Variants in SOAT1 observed in about 807,000 individuals in gnomAD.
The protein encoded by SOAT1 is sterol O-acyltransferase 1, also known as acyl-coenzyme A:cholesterol acyltransferase 1.
Under a neutral mutation model 69.5 loss-of-function variants are expected in SOAT1, and 55 were observed. That is an observed-to-expected ratio of 0.79 (90% CI 0.64 to 0.99). The LOEUF (loss-of-function observed/expected upper bound fraction) is 0.99, where lower values mean the gene tolerates loss of function less well. SOAT1 is among the 50% of genes least tolerant of loss of function. The pLI is 0.00. For missense variants in SOAT1, 580 were observed against 669.3 expected, an observed-to-expected ratio of 0.87 and a Z score of 1.47; for synonymous variants, 231 against 224.7, an observed-to-expected ratio of 1.03 and a Z score of -0.25.
At chr1:179,304,772 C>T (rs1274724600) in intron 2 of SOAT1, among the ~76,000 whole-genome samples, 1 of 152,106 alleles carries the variant, frequency 6.6e-6, no homozygotes, top group East Asian at 1.9e-4. Context: ...CCTCACCCTC[C>T]CGAGTAGCTG....
Position 179,353,646 on chromosome 1 carries a change from T to C in SOAT1, c.*5T>C. On this transcript the variant is annotated 3_prime_UTR_variant, in exon 16 of 16. Coordinates refer to ENST00000367619, the MANE Select transcript of SOAT1 (RefSeq NM_003101.6). ...ACTTGTCGTTACGTGTTTTAGAAGC[T>C]TGGACTTTGTTTCCTCCTTGTCACT... The C allele has an allele frequency of 6.2e-7, 1 of 1,612,208 alleles. No individual in the cohort carries two copies. Among genetic ancestry groups the C allele is most frequent in the Non-Finnish European group, 8.5e-7 (1 of 1,178,404 alleles).
chr1:179,341,943 G>C (rs1034602502), intron 7 of SOAT1, 171 bp from the exon 8 acceptor site: 2 of 450,420 alleles, frequency 4.4e-6, no homozygotes, highest in Non-Finnish European at 5.9e-6. Context: ...TGAAATGTCA[G>C]ATTCATTGTT....
intron 3 of SOAT1, among the ~76,000 whole-genome samples, chr1:179,325,199 G>C (rs1665742334): frequency 1.4e-5 from 2 of 145,314 alleles, no homozygotes; most frequent in Non-Finnish European, 3.0e-5. Context: ...GCCCAGGCTG[G>C]AGTGCAGTGG....
chr1:179,351,231 A>G lies in SOAT1; in HGVS notation c.1451-86A>G, dbSNP rs555236880. 4.7e-4 allele frequency: 531 copies of G among 1,136,666 alleles called. 3 individuals are homozygous for G. The highest frequency in any genetic ancestry group is 1.9e-3 in the Admixed American group (99 of 51,398). 70.4% of individuals were successfully genotyped at this position (1,136,666 alleles called of 1,614,324 possible). On this transcript the variant is annotated intron_variant, in intron 14 of 15. Transcript: ENST00000367619. The stretch of plus-strand genomic sequence containing the variant: ...GCTAATTTTTGTATTTTTAATAGAG[A>G]TGGGGTTTCACCATGTTGGCCAGGC...
At chr1:179,349,329 C>CTTT (rs10670085) in intron 13 of SOAT1, among the ~76,000 whole-genome samples, 81,727 of 125,432 alleles carry the variant, frequency 0.65, 26,632 homozygotes, top group Non-Finnish European at 0.72. Flanking sequence ...TAGAGAAACA[C>CTTT]TTTTTTTTTT....
intron 2 of SOAT1, among the ~76,000 whole-genome samples, chr1:179,316,594 T>C (rs1213497792): frequency 6.6e-6 from 1 of 152,184 alleles, no homozygotes. Flanking sequence ...GGCTTCTCCA[T>C]GTTGGTCAGG....
chr1:179,323,132 C>T (rs1448786618), intron 2 of SOAT1, among the ~76,000 whole-genome samples: 1 of 146,326 alleles, frequency 6.8e-6, no homozygotes, highest in African/African-American at 2.5e-5. Context: ...TACCCAGCAT[C>T]TTAGTGGTCT....
chr1:179,335,957 A>C (rs1015017367), intron 4 of SOAT1, among the ~76,000 whole-genome samples: 2 of 152,176 alleles, frequency 1.3e-5, no homozygotes, highest in African/African-American at 4.8e-5. Flanking sequence ...TCAGGAGTTC[A>C]AGATTAGCCT....
intron 2 of SOAT1, among the ~76,000 whole-genome samples, chr1:179,321,856 T>TA (rs1665616468): frequency 6.6e-6 from 1 of 152,120 alleles, no homozygotes; most frequent in Non-Finnish European, 1.5e-5. Flanking sequence ...GGTTTCTTGT[T>TA]ACTTGCTTAT....
At chr1:179,315,584 G>C (rs1356316402) in intron 2 of SOAT1, among the ~76,000 whole-genome samples, 1 of 152,116 alleles carries the variant, frequency 6.6e-6, no homozygotes. Flanking sequence ...TGTATGAAGA[G>C]GTATTTTGAA....
chr1:179,304,490 C>G (rs1278321679), intron 2 of SOAT1, among the ~76,000 whole-genome samples: 1 of 152,044 alleles, frequency 6.6e-6, no homozygotes, highest in East Asian at 1.9e-4. Context: ...GTTGGTCAGG[C>G]TGGTCTCGAA....
At chr1:179,340,912 A>G (rs1473823179) in intron 6 of SOAT1, 116 bp from the exon 7 acceptor site, 2 of 853,650 alleles carry the variant, frequency 2.3e-6, no homozygotes, top group African/African-American at 3.4e-5. Context: ...CAGCGTATTA[A>G]CGTTGTGGTG....
chr1:179,350,672 A>T (rs1292288020), intron 14 of SOAT1, among the ~76,000 whole-genome samples: 1 of 152,166 alleles, frequency 6.6e-6, no homozygotes, highest in East Asian at 1.9e-4. Flanking sequence ...CATTGATAAC[A>T]CTGATTTGAT....
intron 4 of SOAT1, among the ~76,000 whole-genome samples, chr1:179,335,897 G>A (rs1666133713): frequency 1.3e-5 from 2 of 152,264 alleles, no homozygotes; most frequent in East Asian, 1.9e-4. Flanking sequence ...AGTGGCTCAC[G>A]CCTGTAATCC....
chr1:179,349,025 A>C (rs1363506716), intron 13 of SOAT1, 83 bp downstream of exon 13: 16 of 780,462 alleles, frequency 2.1e-5, no homozygotes, highest in Non-Finnish European at 3.5e-5. Context: ...AGCTGGAAGA[A>C]GTTATATTTA....
At chr1:179,309,882 GT>G (rs1665162363) in intron 2 of SOAT1, among the ~76,000 whole-genome samples, 1 of 151,104 alleles carries the variant, frequency 6.6e-6, no homozygotes, top group African/African-American at 2.4e-5. Context: ...TTTTTTGTTT[GT>G]TTTTGTTTTT....
intron 7 of SOAT1, among the ~76,000 whole-genome samples, chr1:179,341,825 G>A (rs941079950): frequency 6.6e-6 from 1 of 152,080 alleles, no homozygotes; most frequent in Non-Finnish European, 1.5e-5. Context: ...AAGCCACCGC[G>A]CCCGGCCACA....
At chr1:179,331,779 A>G (rs974664671) in intron 3 of SOAT1, among the ~76,000 whole-genome samples, 2 of 152,184 alleles carry the variant, frequency 1.3e-5, no homozygotes, top group Admixed American at 6.5e-5. Flanking sequence ...TGAGGAGTCA[A>G]TTTAGTGTAA....
chr1:179,303,734 C>T (rs1392683555), intron 2 of SOAT1, among the ~76,000 whole-genome samples: 4 of 152,028 alleles, frequency 2.6e-5, no homozygotes, highest in Admixed American at 1.3e-4. Flanking sequence ...GGCATATGGG[C>T]TAGTTTTAGT....
Sources: allele counts gnomAD v4.1 joint callset (sites outside exome capture counted in the v4.1 genomes callset), GRCh38; gene constraint gnomAD v4.1.1; transcripts MANE v1.5; gene names NCBI Gene and HGNC (gene_info 2026-07-23, HGNC 2026-07-21).